ASTN2: variants seen among roughly 807,000 people sequenced by gnomAD.
ASTN2 encodes astrotactin-2.
A neutral mutation model predicts 139.8 loss-of-function variants in ASTN2; 54 were observed. The ratio of observed to expected loss-of-function variants is 0.39; its 90% CI spans 0.31 to 0.48. The LOEUF (loss-of-function observed/expected upper bound fraction) is 0.48, where lower values mean the gene tolerates loss of function less well. ASTN2 is among the 20% of genes least tolerant of loss of function. The pLI is 0.95. For missense variants in ASTN2, 1,565 were observed against 1,725.1 expected, an observed-to-expected ratio of 0.91 and a Z score of 1.64; for synonymous variants, 756 against 719.5, an observed-to-expected ratio of 1.05 and a Z score of -0.81.
At chr9:117,332,193 CA>C (rs1204314454) in intron 1 of ASTN2, among the ~76,000 whole-genome samples, 5 of 152,138 alleles carry the variant, frequency 3.3e-5, no homozygotes, top group African/African-American at 1.2e-4. Flanking sequence ...AAATAATAAT[CA>C]GCTATCAGAT....
chr9:116,855,984 T>C (rs1368364832), intron 11 of ASTN2, among the ~76,000 whole-genome samples: 2 of 152,140 alleles, frequency 1.3e-5, no homozygotes, highest in Non-Finnish European at 2.9e-5. Context: ...CTGATCAAGG[T>C]ATTCAATACA....
intron 10 of ASTN2, among the ~76,000 whole-genome samples, chr9:116,897,759 A>G (rs116758736): frequency 0.015 from 2,301 of 152,288 alleles, 56 homozygotes; most frequent in African/African-American, 0.052. Context: ...ATAGTCTGAC[A>G]CCATTTAAAA....
At chr9:116,834,175 T>C (rs550404376) in intron 11 of ASTN2, among the ~76,000 whole-genome samples, 1 of 152,372 alleles carries the variant, frequency 6.6e-6, no homozygotes, top group South Asian at 2.1e-4. Context: ...ACAATTTGAA[T>C]CTTAAAATTT....
intron 1 of ASTN2, among the ~76,000 whole-genome samples, chr9:117,393,652 T>C (rs941901470): frequency 6.6e-6 from 1 of 152,084 alleles, no homozygotes; most frequent in Non-Finnish European, 1.5e-5. Context: ...GAAAGAAAGC[T>C]CAAACCTGTG....
intron 19 of ASTN2, among the ~76,000 whole-genome samples, chr9:116,513,619 T>C (rs10983205): frequency 0.56 from 85,246 of 152,086 alleles, 24,687 homozygotes; most frequent in African/African-American, 0.7. Context: ...CCATTCTCCC[T>C]GTCACTTTCA....
At chr9:117,098,194 G>A (rs182120363) in intron 4 of ASTN2, among the ~76,000 whole-genome samples, 10 of 152,278 alleles carry the variant, frequency 6.6e-5, no homozygotes, top group Admixed American at 3.3e-4. Flanking sequence ...AAGATGCTAA[G>A]TACAGCATTC....
At chr9:116,685,798 CACTT>C (rs1465800459) in intron 16 of ASTN2, among the ~76,000 whole-genome samples, 2 of 150,762 alleles carry the variant, frequency 1.3e-5, no homozygotes, top group African/African-American at 2.4e-5. Context: ...TTTTTCAAGA[CACTT>C]GCTTGAGCTA....
chr9:116,963,117 C>T (rs1449748964), intron 10 of ASTN2, among the ~76,000 whole-genome samples: 1 of 152,124 alleles, frequency 6.6e-6, no homozygotes, highest in Admixed American at 6.5e-5. Flanking sequence ...AAGGCAATGC[C>T]CTGACCCTTA....
intron 4 of ASTN2, among the ~76,000 whole-genome samples, chr9:117,138,591 C>G (rs1166377642): frequency 6.6e-6 from 1 of 152,158 alleles, no homozygotes; most frequent in Non-Finnish European, 1.5e-5. Context: ...GAGGGGCTTT[C>G]TCTGGTTTAT....
intron 19 of ASTN2, among the ~76,000 whole-genome samples, chr9:116,493,366 G>C (rs540655400): frequency 1.8e-4 from 27 of 152,146 alleles, no homozygotes; most frequent in Non-Finnish European, 3.7e-4. Flanking sequence ...CTTGAAAACA[G>C]ATAGGGAGTT....
intron 1 of ASTN2, among the ~76,000 whole-genome samples, chr9:117,361,190 GAAAAGAC>G: frequency 6.6e-6 from 1 of 152,314 alleles, no homozygotes; most frequent in African/African-American, 2.4e-5. Context: ...GAGCATTTGT[GAAAAGAC>G]AAAAGAAGTG....
chr9:117,194,108 T>C (rs1831425649), intron 3 of ASTN2, among the ~76,000 whole-genome samples: 1 of 152,170 alleles, frequency 6.6e-6, no homozygotes, highest in Non-Finnish European at 1.5e-5. Context: ...CAGTGGCCTA[T>C]AGGGTTGGGT....
chr9:117,052,433 T>TCAAAAAAAAAAAAAAAAAA (rs375714439), intron 5 of ASTN2, among the ~76,000 whole-genome samples: 1 of 125,238 alleles, frequency 8.0e-6, no homozygotes. Context: ...AGACTCCATC[T>TCAAAAAAAAAAAAAAAAAA]TAAAAAAAAA....
chr9:116,512,526 T>C (rs149294606), intron 19 of ASTN2, among the ~76,000 whole-genome samples: 1 of 152,318 alleles, frequency 6.6e-6, no homozygotes, highest in Non-Finnish European at 1.5e-5. Context: ...GTCCGCTTGG[T>C]GTAGAGTTGA....
chr9:116,924,086 C>T (rs547228471), intron 10 of ASTN2, among the ~76,000 whole-genome samples: 4 of 151,958 alleles, frequency 2.6e-5, no homozygotes, highest in South Asian at 2.1e-4. Flanking sequence ...AGTGAAAGCA[C>T]GTTTATTAGG....
Position 117,060,498 on chromosome 9 carries a change from A to G in ASTN2, c.1277-20533T>C, listed in dbSNP as rs1345806816. ...GAAGGAAGGAAGGAATGAAAGAAAG[A>G]AAGAAAGAAAGAAAGGAAGGAAGGA... On this transcript the variant is annotated intron_variant, in intron 5 of 22. Transcript: ENST00000313400. Among the ~76,000 whole-genome samples, 520 of 79,598 alleles carry G rather than the reference A, an allele frequency of 6.5e-3. 50 individuals are homozygous for G. The highest frequency in any genetic ancestry group is 0.012 in the South Asian group (24 of 1,954). 52.2% of individuals were successfully genotyped at this position (79,598 alleles called of 152,430 possible).
At chr9:116,576,716 T>C (rs539920469) in intron 19 of ASTN2, among the ~76,000 whole-genome samples, 16 of 152,294 alleles carry the variant, frequency 1.1e-4, no homozygotes, top group African/African-American at 3.4e-4. Context: ...CTCCCCTTCT[T>C]ACCCCCTTCC....
intron 7 of ASTN2, among the ~76,000 whole-genome samples, chr9:116,998,706 C>A (rs1325955722): frequency 6.6e-6 from 1 of 152,290 alleles, no homozygotes; most frequent in East Asian, 1.9e-4. Flanking sequence ...TACCCATATA[C>A]AAATGTCCCC....
intron 5 of ASTN2, among the ~76,000 whole-genome samples, chr9:117,073,728 C>T (rs1828198164): frequency 1.3e-5 from 2 of 152,250 alleles, no homozygotes; most frequent in South Asian, 4.1e-4. Flanking sequence ...GGGGGGTGCT[C>T]TTGGGTAACT....
Sources: gnomAD v4.1 joint callset for allele counts (sites outside exome capture counted in the v4.1 genomes callset) on GRCh38, gnomAD v4.1.1 for gene constraint, MANE v1.5 for transcripts, NCBI Gene and HGNC (gene_info 2026-07-23, HGNC 2026-07-21) for gene names.